The following COL8A1 variants were observed in gnomAD, a reference collection of about 807,000 sequenced individuals.
COL8A1 encodes the protein collagen type VIII alpha 1 chain, also known as collagen alpha-1(VIII) chain.
COL8A1 carries 21 observed loss-of-function variants against 42.7 expected under a neutral mutation model. That is an observed-to-expected ratio of 0.49 (90% CI 0.35 to 0.71). The LOEUF (loss-of-function observed/expected upper bound fraction) is 0.71. Among genes scored for constraint, COL8A1 ranks in the 30% least tolerant of loss-of-function variants. The pLI is 0.01. For missense variants in COL8A1, 788 were observed against 962.4 expected (o/e 0.82, Z 2.40); for synonymous variants, 367 against 369.1 (o/e 0.99, Z 0.06).
chr3:99,734,431 C>G (rs1252714416), intron 1 of COL8A1, among the ~76,000 whole-genome samples: 2 of 149,726 alleles, frequency 1.3e-5, no homozygotes, highest in Admixed American at 6.6e-5. Context: ...GCTTGTTTTT[C>G]TCAGGTTTGT....
At chr3:99,658,704 A>C (rs1197177148) in intron 1 of COL8A1, among the ~76,000 whole-genome samples, 1 of 152,234 alleles carries the variant, frequency 6.6e-6, no homozygotes, top group Non-Finnish European at 1.5e-5. Flanking sequence ...ACAAAGGTCA[A>C]CCAAGGGTCT....
intron 1 of COL8A1, among the ~76,000 whole-genome samples, chr3:99,666,886 C>T (rs556692007): frequency 6.6e-6 from 1 of 152,296 alleles, no homozygotes; most frequent in East Asian, 1.9e-4. Flanking sequence ...AAGCCTTAAC[C>T]TCTAGTCTTT....
chr3:99,777,288 G>A (rs1400412158), intron 2 of COL8A1, among the ~76,000 whole-genome samples: 1 of 152,200 alleles, frequency 6.6e-6, no homozygotes, highest in Non-Finnish European at 1.5e-5. Flanking sequence ...TTACAGCAGA[G>A]AAGCCAGAAA....
intron 1 of COL8A1, among the ~76,000 whole-genome samples, chr3:99,722,319 A>G (rs969225558): frequency 1.3e-5 from 2 of 152,142 alleles, no homozygotes; most frequent in African/African-American, 4.8e-5. Context: ...ACTCTTATAT[A>G]TGATATCAAT....
At chr3:99,732,025 T>C (rs1466557884) in intron 1 of COL8A1, among the ~76,000 whole-genome samples, 1 of 152,140 alleles carries the variant, frequency 6.6e-6, no homozygotes, top group Non-Finnish European at 1.5e-5. Context: ...GGCAGAAGAA[T>C]TCTTTTCTAG....
chr3:99,719,774 G>A (rs1940096415), intron 1 of COL8A1, among the ~76,000 whole-genome samples: 1 of 152,090 alleles, frequency 6.6e-6, no homozygotes, highest in Admixed American at 6.6e-5. Flanking sequence ...GAAGAGAGGA[G>A]AAAAGAAGAT....
intron 2 of COL8A1, among the ~76,000 whole-genome samples, chr3:99,756,616 TA>T (rs1449567078): frequency 1.3e-5 from 2 of 152,176 alleles, no homozygotes; most frequent in African/African-American, 4.8e-5. Context: ...TCTTGAGAAA[TA>T]AATGTTACAG....
chr3:99,658,742 T>A (rs1938108649), intron 1 of COL8A1, among the ~76,000 whole-genome samples: 1 of 152,148 alleles, frequency 6.6e-6, no homozygotes, highest in Admixed American at 6.5e-5. Flanking sequence ...AAAAGTCTAA[T>A]CAAAGAAGTC....
intron 1 of COL8A1, among the ~76,000 whole-genome samples, chr3:99,716,644 TC>T (rs1940004980): frequency 6.6e-6 from 1 of 151,658 alleles, no homozygotes; most frequent in Non-Finnish European, 1.5e-5. Flanking sequence ...TGACTCATGA[TC>T]CCCCTCCTCA....
chr3:99,665,283 A>G (rs1047312516), intron 1 of COL8A1, among the ~76,000 whole-genome samples: 11 of 152,248 alleles, frequency 7.2e-5, no homozygotes, highest in African/African-American at 2.7e-4. Flanking sequence ...CCTCTCACAG[A>G]AAAGCTTCTC....
chr3:99,679,492 T>C (rs1938801613), intron 1 of COL8A1: 1 of 152,230 alleles, frequency 6.6e-6, no homozygotes, highest in Non-Finnish European at 1.5e-5. Flanking sequence ...CAGTCATTGT[T>C]AGACAACTGC....
intron 1 of COL8A1, among the ~76,000 whole-genome samples, chr3:99,731,854 G>A (rs1359145788): frequency 6.6e-6 from 1 of 152,050 alleles, no homozygotes; most frequent in African/African-American, 2.4e-5. Context: ...GTGTCCTTGG[G>A]TTATAAGAAG....
chr3:99,722,808 A>T (rs1317438317), intron 1 of COL8A1, among the ~76,000 whole-genome samples: 1 of 152,134 alleles, frequency 6.6e-6, no homozygotes. Flanking sequence ...ATTCCAAGGA[A>T]GCATAAACTA....
At chr3:99,793,290 C>T (rs917443034) in intron 3 of COL8A1, among the ~76,000 whole-genome samples, 6 of 152,118 alleles carry the variant, frequency 3.9e-5, no homozygotes, top group African/African-American at 1.2e-4. Flanking sequence ...AAATTTCTCA[C>T]GAGATAAAAA....
intron 1 of COL8A1, among the ~76,000 whole-genome samples, chr3:99,642,049 A>G (rs1937515185): frequency 6.6e-6 from 1 of 152,226 alleles, no homozygotes; most frequent in African/African-American, 2.4e-5. Context: ...ACAAAATGCT[A>G]AGAATATAAT....
intron 2 of COL8A1, among the ~76,000 whole-genome samples, chr3:99,766,990 C>CA (rs1941477148): frequency 6.6e-6 from 1 of 151,712 alleles, no homozygotes; most frequent in South Asian, 2.1e-4. Context: ...GGGGGACTCT[C>CA]ATGATATTGC....
chr3:99,757,694 C>T (rs1337439126), intron 2 of COL8A1, among the ~76,000 whole-genome samples: 2 of 151,962 alleles, frequency 1.3e-5, no homozygotes, highest in East Asian at 3.9e-4. Context: ...CTATTGAGTA[C>T]CTATGGATGA....
intron 1 of COL8A1, among the ~76,000 whole-genome samples, chr3:99,655,520 A>G (rs1559769247): frequency 6.6e-6 from 1 of 152,258 alleles, no homozygotes; most frequent in African/African-American, 2.4e-5. Context: ...GGCACACAGC[A>G]TTCAGTAAAC....
At chr3:99,765,279 T>G (rs1941441571) in intron 2 of COL8A1, among the ~76,000 whole-genome samples, 1 of 152,020 alleles carries the variant, frequency 6.6e-6, no homozygotes, top group Non-Finnish European at 1.5e-5. Flanking sequence ...CAATCTTAGC[T>G]CCAGTCTGGT....
Sources: allele counts gnomAD v4.1 joint callset (sites outside exome capture counted in the v4.1 genomes callset), GRCh38; gene constraint gnomAD v4.1.1; transcripts MANE v1.5; gene names NCBI Gene and HGNC (gene_info 2026-07-23, HGNC 2026-07-21).